TELO2: variants seen among roughly 807,000 people sequenced by gnomAD.
TELO2 encodes telomere length regulation protein TEL2 homolog.
TELO2 carries 71 observed loss-of-function variants against 91.0 expected under a neutral mutation model. The observed-to-expected ratio is 0.78, with a 90% CI of 0.64 to 0.95. TELO2 has a LOEUF of 0.95. Among genes scored for constraint, TELO2 ranks in the 40% least tolerant of loss-of-function variants. The pLI is 0.00. For synonymous variants in TELO2, 584 were observed against 518.9 expected (o/e 1.13, Z -1.71); for missense variants, 1,183 against 1,141.3 (o/e 1.04, Z -0.53).
In TELO2 at chr16:1,494,585, G is replaced by T; in HGVS notation, c.304G>T (p.Val102Leu). The T allele has an allele frequency of 6.2e-7, 1 of 1,613,480 alleles. No homozygotes were observed. The highest frequency in any genetic ancestry group is 8.5e-7 in the Non-Finnish European group (1 of 1,179,886). Reference protein sequence around the residue: ...LEGPADQAFLVLMETIEGAAG... With the variant: ...LEGPADQAFLLLMETIEGAAG... The stretch of plus-strand genomic sequence containing the variant: ...GGGCCCGGCGGACCAAGCCTTCCTG[G>T]TGTTGATGGAGACCATCGAGGGTGC... Residue 102 changes from valine to leucine, a missense_variant, in exon 2 of 21, where the codon GTG becomes TTG. Coordinates refer to ENST00000262319, the MANE Select transcript of TELO2 (RefSeq NM_016111.4). This position sits in a 1 kb window ranked among gnomAD's most constrained non-coding sequence, Gnocchi z 5.6.
intron 9 of TELO2, among the ~76,000 whole-genome samples, chr16:1,501,173 G>C (rs1169575201): frequency 6.6e-6 from 1 of 152,212 alleles, no homozygotes; most frequent in East Asian, 1.9e-4. Context: ...CATTGGCCTT[G>C]GGGGAGGCCC....
At position 1,509,925 on chromosome 16, in the gene TELO2, G is replaced by A. The variant is rs745530587; in HGVS notation, c.2503G>A (p.Ala835Thr). Reference sequence around the variant, plus strand: ...ACTCAAGAACAGGCTCCTCCCACCCGCGTCTCCCTAGTCCCTGGAGGCCTC... The same window carrying A: ...ACTCAAGAACAGGCTCCTCCCACCCACGTCTCCCTAGTCCCTGGAGGCCTC... ...QRLKNRLLPPASP is the reference protein window; with the variant it reads ...QRLKNRLLPPTSP The change falls in exon 21 of 21, where the codon GCG becomes ACG. Residue 835 changes from alanine to threonine, a missense_variant. Ala to Thr is a moderately conservative substitution (Grantham distance 58). Coordinates refer to ENST00000262319, the MANE Select transcript of TELO2 (RefSeq NM_016111.4). The A allele has an allele frequency of 2.1e-5, 34 of 1,597,654 alleles. No homozygotes were observed. The highest frequency in any genetic ancestry group is 5.4e-5 in the African/African-American group (4 of 74,470).
At chr16:1,507,789 TGTGA>T (rs377623489) in intron 20 of TELO2, 73 bp downstream of exon 20, 79,191 of 1,221,920 alleles carry the variant, frequency 0.065, 3,949 homozygotes, top group African/African-American at 0.14. Flanking sequence ...TGTGTGTGTG[TGTGA>T]GAGATGTGTC....
rs1324362129 is a variant in TELO2, at chr16:1,507,808, C to T, written c.2407+92C>T. The T allele has an allele frequency of 1.2e-5, 12 of 1,015,286 alleles. 1 individual carries two copies. The highest frequency in any genetic ancestry group is 1.5e-5 in the Non-Finnish European group (11 of 731,282). The allele number at this position is 1,015,286 out of a possible 1,614,324, so 62.9% of individuals were successfully genotyped here. The stretch of plus-strand genomic sequence containing the variant: ...TGTGTGTGTGAGAGATGTGTCGGCC[C>T]GGGGTGTGTGTGTGTGTGTGTGTGA... On this transcript the variant is annotated intron_variant, in intron 20 of 20. Transcript: ENST00000262319.
chr16:1,497,076 T>G lies in TELO2; in HGVS notation c.654T>G (p.Leu218=). 1 of 1,614,078 alleles carries G rather than the reference T, an allele frequency of 6.2e-7. No individual in the cohort carries two copies. The highest frequency in any genetic ancestry group is 1.7e-4 in the Middle Eastern group (1 of 6,060). Residue 218 remains leucine (L), a synonymous_variant, in exon 4 of 21, where the codon CTT becomes CTG. Coordinates refer to ENST00000262319, the MANE Select transcript of TELO2 (RefSeq NM_016111.4). The surrounding 1 kb of genome is among the most constrained non-coding windows in gnomAD (Gnocchi z 4.0). ...CCGTGTCCTTCGTGTCTCAGGTCCT[T>G]GGGAAAGCCTGTGTCCACGGGAGGC... ...DSSVSFVSQV[L]GKACVHGRQQ...
At chr16:1,506,135 G>A in intron 16 of TELO2, 103 bp from the exon 17 acceptor site, 5 of 1,311,308 alleles carry the variant, frequency 3.8e-6, no homozygotes, top group African/African-American at 1.4e-5. Flanking sequence ...GAGGCAAGGC[G>A]AGGCTGAGGT....
In TELO2 at chr16:1,495,611, G is replaced by T; in HGVS notation, c.601G>T (p.Asp201Tyr). ...CGTCCGGGTGCTGCAGGCGGTTGTG[G>T]ACTCTCTCCAAGGTGAGGCCCTGCC... ...EVVRVLQAVV[D>Y]SLQGGLDSSV... Residue 201 changes from aspartate to tyrosine, a missense_variant, in exon 3 of 21, where the codon GAC becomes TAC. By Grantham distance (160) the Asp-to-Tyr change is radical (BLOSUM62 -3). Coordinates refer to ENST00000262319, the MANE Select transcript of TELO2 (RefSeq NM_016111.4). 1 of 1,599,312 alleles carries T rather than the reference G, an allele frequency of 6.3e-7. No individual in the cohort carries two copies.
intron 6 of TELO2, 31 bp from the exon 7 acceptor site, chr16:1,500,065 C>G: frequency 6.3e-7 from 1 of 1,597,210 alleles, no homozygotes; most frequent in Non-Finnish European, 8.5e-7. Context: ...GCGGCCTCAG[C>G]CCAGTGGACA....
intron 7 of TELO2, 44 bp from the exon 8 acceptor site, chr16:1,500,303 A>G (rs1313702607): frequency 1.3e-6 from 2 of 1,542,896 alleles, no homozygotes; most frequent in South Asian, 2.3e-5. Flanking sequence ...GCGGGGACAG[A>G]CTGGCCCCGA....
rs781136824 is a variant in TELO2 at position 1,494,521 on chromosome 16, T to G, written c.240T>G (p.His80Gln). The change falls in exon 2 of 21, where the codon CAT becomes CAG. Residue 80 changes from histidine to glutamine, a missense_variant. Physicochemically the swap from His to Gln is conservative, Grantham distance 24. Transcript: ENST00000262319. The surrounding 1 kb of genome is among the most constrained non-coding windows in gnomAD (Gnocchi z 5.6). ...LSPAWLELLP[H>Q]GRLEELWASF... ...CAGCCTGGCTGGAGCTGCTGCCCCA[T>G]GGCCGCCTGGAGGAGCTGTGGGCCA... 6.2e-7 allele frequency: 1 copy of G among 1,613,214 alleles called. No homozygotes were observed. The highest frequency in any genetic ancestry group is 1.7e-5 in the Admixed American group (1 of 60,018).
Position 1,505,486 on chromosome 16 carries a change from C to T in TELO2, c.1919C>T (p.Pro640Leu), listed in dbSNP as rs750629442. The T allele has an allele frequency of 5.6e-6, 9 of 1,613,164 alleles. No homozygotes were observed. The East Asian group carries it at 8.9e-5, about 16-fold the overall frequency. Residue 640 changes from proline to leucine, a missense_variant, in exon 16 of 21, where the codon CCC becomes CTC. By Grantham distance (98) the Pro-to-Leu change is moderately conservative (BLOSUM62 -3). Transcript: ENST00000262319. The surrounding 1 kb of genome is among the most constrained non-coding windows in gnomAD (Gnocchi z 4.3). ...GRTPQPGSPS[P>L]NTPCLPEAAV... ...ACTCCCCAACCTGGCTCCCCAAGTC[C>T]CAACACCCCGTGCCTGCCAGAGGCA... is the stretch of plus-strand genomic sequence containing the variant.
intron 15 of TELO2, among the ~76,000 whole-genome samples, chr16:1,503,542 A>C (rs1047310474): frequency 6.6e-6 from 1 of 152,210 alleles, no homozygotes; most frequent in Non-Finnish European, 1.5e-5. Context: ...AGAGGGAGAC[A>C]CTGTCTCAAA....
chr16:1,505,494 C>T lies in TELO2; in HGVS notation c.1927C>T (p.Pro643Ser). Residue 643 changes from proline (P) to serine (S), a missense_variant, in exon 16 of 21, where the codon CCG becomes TCG. Pro to Ser is a moderately conservative substitution (Grantham distance 74). Coordinates refer to ENST00000262319, the MANE Select transcript of TELO2 (RefSeq NM_016111.4). The surrounding 1 kb of genome is among the most constrained non-coding windows in gnomAD (Gnocchi z 4.3). ...PQPGSPSPNT[P>S]CLPEAAVSQP... is the part of the protein sequence containing the mutation. ...ACCTGGCTCCCCAAGTCCCAACACCCCGTGCCTGCCAGAGGCAGCCGTCTC... is the reference window on the plus strand; with the variant it reads ...ACCTGGCTCCCCAAGTCCCAACACCTCGTGCCTGCCAGAGGCAGCCGTCTC... The T allele has an allele frequency of 3.7e-6, 6 of 1,613,148 alleles. No homozygotes were observed. Among genetic ancestry groups the T allele is most frequent in the Non-Finnish European group, 4.2e-6 (5 of 1,180,000 alleles).
intron 14 of TELO2, 64 bp from the exon 15 acceptor site, chr16:1,502,867 C>A: frequency 6.2e-7 from 1 of 1,604,626 alleles, no homozygotes; most frequent in Non-Finnish European, 8.5e-7. Context: ...TGTGAGGTGC[C>A]CGGAGGTCGC....
chr16:1,497,024 T>C lies in TELO2; in HGVS notation c.614-12T>C. 6.2e-7 allele frequency: 1 copy of C among 1,613,674 alleles called. No individual in the cohort carries two copies. Among genetic ancestry groups the C allele is most frequent in the South Asian group, 1.1e-5 (1 of 90,998 alleles). On this transcript the variant is annotated splice_polypyrimidine_tract_variant and intron_variant, in intron 3 of 20. Coordinates refer to ENST00000262319, the MANE Select transcript of TELO2 (RefSeq NM_016111.4). The surrounding 1 kb of genome is among the most constrained non-coding windows in gnomAD (Gnocchi z 4.0). ...CGCCGGCTTCCTCATCAGGCCTCCC[T>C]TTCTGTCCCAGGTGGCCTGGATTCC...
chr16:1,506,907 G>T, intron 17 of TELO2, 45 bp from the exon 18 acceptor site: 1 of 1,545,802 alleles, frequency 6.5e-7, no homozygotes, highest in East Asian at 2.4e-5. Flanking sequence ...TGGGGACCTG[G>T]CCCTGAGGCA....
chr16:1,506,312 C>T lies in TELO2; in HGVS notation c.2109C>T (p.Leu703=). 5 of 1,614,120 alleles carry T rather than the reference C, an allele frequency of 3.1e-6. No homozygotes were observed. Among genetic ancestry groups the T allele is most frequent in the Non-Finnish European group, 3.4e-6 (4 of 1,180,018 alleles). ...TGGCCGGCCACTTCTTCTTCCCCCT[C>T]CTTCAGCGCTTTGACAGGTGAGTGG... ...NSVAGHFFFP[L]LQRFDRPLVT... is the part of the protein sequence containing the mutation. Residue 703 remains leucine (L), a synonymous_variant, in exon 17 of 21, where the codon CTC becomes CTT. Transcript: ENST00000262319.
rs202026768 is a variant in TELO2, at chr16:1,501,476, G to A, written c.1338G>A (p.Ala446=). The A allele has an allele frequency of 3.5e-5, 57 of 1,611,054 alleles. No individual in the cohort carries two copies. The highest frequency in any genetic ancestry group is 2.2e-4 in the South Asian group (20 of 90,886). The part of the protein sequence containing the change: ...ELLALASPQP[A]GDGASEAGTS... ...TGGCCTTGGCCTCCCCCCAGCCTGCGGGTGACGGCGCCTCGGAGGCGGGGT... is the reference window on the plus strand; with the variant it reads ...TGGCCTTGGCCTCCCCCCAGCCTGCAGGTGACGGCGCCTCGGAGGCGGGGT... Residue 446 remains alanine, a synonymous_variant, in exon 10 of 21, where the codon GCG becomes GCA. Coordinates refer to ENST00000262319, the MANE Select transcript of TELO2 (RefSeq NM_016111.4).
At chr16:1,503,682 C>T (rs1477102761) in intron 15 of TELO2, among the ~76,000 whole-genome samples, 4 of 152,238 alleles carry the variant, frequency 2.6e-5, no homozygotes, top group East Asian at 3.9e-4. Flanking sequence ...TCACGGAGAG[C>T]GGACGGGGCT....
Sources: gnomAD v4.1 joint callset for allele counts (sites outside exome capture counted in the v4.1 genomes callset) on GRCh38, gnomAD v4.1.1 for gene constraint, Gnocchi (gnomAD v3.1) non-coding constraint, MANE v1.5 for transcripts, NCBI Gene and HGNC (gene_info 2026-07-23, HGNC 2026-07-21) for gene names.